Variants in STK3 observed in about 807,000 individuals in gnomAD.
The protein encoded by STK3 is serine/threonine-protein kinase 3.
Under a neutral mutation model 58.0 loss-of-function variants are expected in STK3, and 41 were observed. The ratio of observed to expected loss-of-function variants is 0.71; its 90% CI spans 0.55 to 0.92. STK3 has a LOEUF of 0.92. Ranked by LOEUF, STK3 falls within the 40% of genes least tolerant of loss-of-function variation. The pLI, the probability that STK3 is intolerant of heterozygous loss-of-function variation, is 0.00. For missense variants in STK3, 479 were observed against 602.7 expected (o/e 0.79, Z 2.15); for synonymous variants, 170 against 191.0 (o/e 0.89, Z 0.91).
chr8:98,859,436 CA>C (rs1564066714), intron 3 of STK3, among the ~76,000 whole-genome samples: 2 of 152,144 alleles, frequency 1.3e-5, no homozygotes, highest in African/African-American at 4.8e-5. Context: ...GTGGGAAAAT[CA>C]TCCAAGCTCT....
At chr8:98,804,217 G>A (rs780596234) in intron 1 of STK3, among the ~76,000 whole-genome samples, 11 of 152,088 alleles carry the variant, frequency 7.2e-5, no homozygotes, top group Admixed American at 2.6e-4. Flanking sequence ...GGTCAGGCTA[G>A]TCTTGAACTC....
At chr8:98,387,961 C>A (rs1008497702) in intron 1 of STK3, among the ~76,000 whole-genome samples, 3 of 148,702 alleles carry the variant, frequency 2.0e-5, no homozygotes, top group Non-Finnish European at 4.4e-5. Flanking sequence ...ATGGCAATCA[C>A]AACAAAATGA....
chr8:98,858,323 T>TATATATATATATATAG (rs1189807446), intron 3 of STK3, among the ~76,000 whole-genome samples: 5 of 16,276 alleles, frequency 3.1e-4, no homozygotes, highest in African/African-American at 4.6e-4. Context: ...TATATATATA[T>TATATATATATATATAG]AGAGAGAGAG....
chr8:98,395,489 T>C (rs1252228527), intron 3 of STK3, among the ~76,000 whole-genome samples: 3 of 152,342 alleles, frequency 2.0e-5, no homozygotes, highest in South Asian at 4.1e-4. Context: ...CTAAATAATA[T>C]TGCACCTATT....
At chr8:98,496,605 A>T (rs1823154607) in intron 10 of STK3, among the ~76,000 whole-genome samples, 1 of 152,168 alleles carries the variant, frequency 6.6e-6, no homozygotes, top group Non-Finnish European at 1.5e-5. Flanking sequence ...GGAATTCAAA[A>T]TAGTAAAAGC....
chr8:98,929,914 T>G (rs1010180385), intron 1 of STK3, among the ~76,000 whole-genome samples: 1 of 152,226 alleles, frequency 6.6e-6, no homozygotes, highest in African/African-American at 2.4e-5. Context: ...TGAGGAAGAC[T>G]GGATTAAACA....
At chr8:98,566,606 T>G (rs1271673388) in intron 8 of STK3, among the ~76,000 whole-genome samples, 1 of 152,140 alleles carries the variant, frequency 6.6e-6, no homozygotes, top group African/African-American at 2.4e-5. Flanking sequence ...AAGTTAGTTT[T>G]ATGAAATTTT....
chr8:98,591,724 TA>T (rs1563779286), intron 7 of STK3, among the ~76,000 whole-genome samples: 2 of 152,232 alleles, frequency 1.3e-5, no homozygotes, highest in East Asian at 3.8e-4. Flanking sequence ...CATAACACTA[TA>T]GTGAATTGAC....
chr8:98,683,840 C>G (rs974380487), intron 6 of STK3, among the ~76,000 whole-genome samples: 3 of 152,134 alleles, frequency 2.0e-5, no homozygotes, highest in South Asian at 2.1e-4. Flanking sequence ...AAAACACTAC[C>G]CTAAATACAC....
At chr8:98,705,248 T>C (rs576677249) in intron 6 of STK3, among the ~76,000 whole-genome samples, 1 of 152,094 alleles carries the variant, frequency 6.6e-6, no homozygotes, top group African/African-American at 2.4e-5. Context: ...TGGCGACACC[T>C]TGTCTCTACA....
intron 6 of STK3, among the ~76,000 whole-genome samples, chr8:98,652,949 C>T (rs1319092937): frequency 1.3e-5 from 2 of 152,124 alleles, no homozygotes; most frequent in Non-Finnish European, 1.5e-5. Context: ...TAAGCATACC[C>T]AGGAACTGAA....
chr8:98,934,406 T>C (rs1435223562), intron 1 of STK3, among the ~76,000 whole-genome samples: 3 of 152,186 alleles, frequency 2.0e-5, no homozygotes, highest in Non-Finnish European at 2.9e-5. Context: ...CCGACCCACC[T>C]TCTTTGTTCA....
chr8:98,699,172 C>T (rs1243080757), intron 6 of STK3, among the ~76,000 whole-genome samples: 24 of 152,302 alleles, frequency 1.6e-4, no homozygotes, highest in African/African-American at 5.8e-4. Context: ...GAGGCTTCTG[C>T]ATTCTTCACG....
intron 6 of STK3, among the ~76,000 whole-genome samples, chr8:98,654,071 G>A (rs1821236279): frequency 6.6e-6 from 1 of 152,142 alleles, no homozygotes; most frequent in African/African-American, 2.4e-5. Context: ...GAACATTGAT[G>A]CAAAAATCCT....
chr8:98,692,657 T>C (rs1824497923), intron 6 of STK3, among the ~76,000 whole-genome samples: 1 of 152,178 alleles, frequency 6.6e-6, no homozygotes, highest in East Asian at 1.9e-4. Flanking sequence ...GATTGCACAA[T>C]AATGTAAATG....
At chr8:98,748,832 C>T (rs896470034) in intron 4 of STK3, among the ~76,000 whole-genome samples, 1 of 151,284 alleles carries the variant, frequency 6.6e-6, no homozygotes, top group African/African-American at 2.4e-5. Context: ...AAAATAAATA[C>T]AAAAATGTTT....
chr8:98,689,528 C>G (rs1337011539), intron 6 of STK3, among the ~76,000 whole-genome samples: 2 of 152,158 alleles, frequency 1.3e-5, no homozygotes, highest in Non-Finnish European at 2.9e-5. Flanking sequence ...CATCTATAAT[C>G]CCAGCACTTG....
At chr8:98,503,922 T>C (rs1309099699) in intron 10 of STK3, among the ~76,000 whole-genome samples, 1 of 152,248 alleles carries the variant, frequency 6.6e-6, no homozygotes, top group Non-Finnish European at 1.5e-5. Context: ...TTAGGTCTGC[T>C]TGGTGCAGAG....
At chr8:98,780,399 C>G (rs1832010859) in intron 1 of STK3, among the ~76,000 whole-genome samples, 1 of 152,076 alleles carries the variant, frequency 6.6e-6, no homozygotes, top group Non-Finnish European at 1.5e-5. Flanking sequence ...AGTTGACCAT[C>G]TTTTCATATG....
Sources: gnomAD v4.1 joint callset for allele counts (sites outside exome capture counted in the v4.1 genomes callset) on GRCh38, gnomAD v4.1.1 for gene constraint, MANE v1.5 for transcripts, NCBI Gene and HGNC (gene_info 2026-07-23, HGNC 2026-07-21) for gene names.